Variants in AK5 observed in about 807,000 individuals in gnomAD.
AK5 encodes the protein adenylate kinase isoenzyme 5.
In AK5, 27 loss-of-function variants were observed where a neutral mutation model predicts 69.5. The ratio of observed to expected loss-of-function variants is 0.39; its 90% CI spans 0.29 to 0.54. AK5 has a LOEUF of 0.54. Ranked by LOEUF, AK5 falls within the 20% of genes least tolerant of loss-of-function variation. AK5 has a pLI of 0.71. For missense variants in AK5, 531 were observed against 700.4 expected, an observed-to-expected ratio of 0.76 and a Z score of 2.73; for synonymous variants, 260 against 244.4, an observed-to-expected ratio of 1.06 and a Z score of -0.60.
intron 8 of AK5, among the ~76,000 whole-genome samples, chr1:77,445,631 C>A (rs967909251): frequency 6.7e-6 from 1 of 150,372 alleles, no homozygotes; most frequent in Non-Finnish European, 1.5e-5. Flanking sequence ...GTCACCCAGG[C>A]TGGAGTGCAG....
intron 10 of AK5, among the ~76,000 whole-genome samples, chr1:77,505,584 A>T (rs1656976344): frequency 6.6e-6 from 1 of 152,172 alleles, no homozygotes; most frequent in Admixed American, 6.5e-5. Context: ...TTAAAACAAG[A>T]GGGCCGACAT....
At chr1:77,295,762 G>T (rs558611682) in intron 3 of AK5, among the ~76,000 whole-genome samples, 6 of 152,240 alleles carry the variant, frequency 3.9e-5, no homozygotes, top group African/African-American at 1.4e-4. Context: ...CATGAAAATG[G>T]TTTGATAGCA....
chr1:77,521,737 C>T (rs1657996264), intron 11 of AK5, 90 bp from the exon 12 acceptor site: 2 of 906,326 alleles, frequency 2.2e-6, no homozygotes, highest in South Asian at 1.4e-5. Flanking sequence ...AACCTTCCTC[C>T]CTCCCTCAGT....
At chr1:77,325,577 C>T (rs1335227552) in intron 5 of AK5, among the ~76,000 whole-genome samples, 1 of 152,140 alleles carries the variant, frequency 6.6e-6, no homozygotes, top group African/African-American at 2.4e-5. Flanking sequence ...AGTTTCCAGA[C>T]CTCAAGGCCC....
chr1:77,424,182 G>A (rs1278564867), intron 8 of AK5, among the ~76,000 whole-genome samples: 2 of 152,116 alleles, frequency 1.3e-5, no homozygotes, highest in African/African-American at 2.4e-5. Context: ...TATGTCAAAA[G>A]GCAAAAAACA....
chr1:77,475,420 AT>A (rs1654840732), intron 8 of AK5, among the ~76,000 whole-genome samples: 2 of 15,238 alleles, frequency 1.3e-4, no homozygotes, highest in Non-Finnish European at 1.4e-4. Flanking sequence ...TATATATACT[AT>A]ATATTATATA....
chr1:77,297,774 C>T (rs936993404), intron 4 of AK5, 46 bp downstream of exon 4: 21 of 1,602,434 alleles, frequency 1.3e-5, no homozygotes, highest in East Asian at 4.5e-5. Flanking sequence ...GTTTTCATAC[C>T]GATTGAGTAT....
chr1:77,304,410 C>CTTTT (rs59515509), intron 5 of AK5, among the ~76,000 whole-genome samples: 5 of 142,026 alleles, frequency 3.5e-5, no homozygotes, highest in African/African-American at 1.3e-4. Context: ...CTTTTCTTTT[C>CTTTT]TTTTTTTTTT....
chr1:77,488,222 T>C (rs1432899846), intron 10 of AK5, among the ~76,000 whole-genome samples: 2 of 152,228 alleles, frequency 1.3e-5, no homozygotes, highest in East Asian at 3.8e-4. Flanking sequence ...CTGGATGGAC[T>C]CTTCCCACAC....
intron 13 of AK5, among the ~76,000 whole-genome samples, chr1:77,544,923 G>A (rs1041984356): frequency 2.0e-5 from 3 of 152,068 alleles, no homozygotes; most frequent in African/African-American, 7.2e-5. Flanking sequence ...TTCCAACACC[G>A]GCAGCACAGT....
At chr1:77,469,627 G>A (rs1040617046) in intron 8 of AK5, among the ~76,000 whole-genome samples, 2 of 151,624 alleles carry the variant, frequency 1.3e-5, no homozygotes, top group Non-Finnish European at 2.9e-5. Context: ...ACTAATCCAT[G>A]TGGTCAGCCG....
chr1:77,531,989 T>TCCGGCCATCCGGCCGGCCGG (rs371302382), intron 12 of AK5: 1 of 148,532 alleles, frequency 6.7e-6, no homozygotes, highest in African/African-American at 2.5e-5. Flanking sequence ...CCTGCGGCCA[T>TCCGGCCATCCGGCCGGCCGG]CCGGCCGGCC....
intron 8 of AK5, among the ~76,000 whole-genome samples, chr1:77,444,148 A>C (rs1570139837): frequency 7.1e-6 from 1 of 140,346 alleles, no homozygotes; most frequent in African/African-American, 2.8e-5. Context: ...CTGCTATTTT[A>C]TTCTCTCTCT....
chr1:77,449,905 T>C (rs367910976), intron 8 of AK5, among the ~76,000 whole-genome samples: 2 of 152,210 alleles, frequency 1.3e-5, no homozygotes, highest in East Asian at 3.8e-4. Flanking sequence ...AATGTCATGC[T>C]ACAAATTTTC....
intron 6 of AK5, among the ~76,000 whole-genome samples, chr1:77,402,656 T>C (rs1042204597): frequency 1.3e-5 from 2 of 152,120 alleles, no homozygotes; most frequent in East Asian, 1.9e-4. Flanking sequence ...TAGTATTCCA[T>C]GGTGTATATG....
chr1:77,378,530 A>G (rs1647394128), intron 6 of AK5, among the ~76,000 whole-genome samples: 2 of 152,228 alleles, frequency 1.3e-5, no homozygotes, highest in Admixed American at 6.5e-5. Flanking sequence ...CATGTTGATC[A>G]GGCTGGTCTC....
chr1:77,294,005 G>A (rs1557469633), intron 3 of AK5, 45 bp downstream of exon 3: 2 of 1,556,800 alleles, frequency 1.3e-6, no homozygotes, highest in East Asian at 2.3e-5. Flanking sequence ...TGCTGCCTTT[G>A]TTTATATATT....
At chr1:77,463,814 C>G (rs1031520526) in intron 8 of AK5, among the ~76,000 whole-genome samples, 1 of 152,194 alleles carries the variant, frequency 6.6e-6, no homozygotes, top group African/African-American at 2.4e-5. Context: ...CAGTCTCTTT[C>G]AGTCTGAATT....
intron 8 of AK5, among the ~76,000 whole-genome samples, chr1:77,474,995 G>T (rs149196334): frequency 3.5e-4 from 53 of 151,402 alleles, no homozygotes; most frequent in African/African-American, 1.3e-3. Context: ...TACAGACGGG[G>T]TCTCACTATG....
Sources: allele counts gnomAD v4.1 joint callset (sites outside exome capture counted in the v4.1 genomes callset), GRCh38; gene constraint gnomAD v4.1.1; transcripts MANE v1.5; gene names NCBI Gene and HGNC (gene_info 2026-07-23, HGNC 2026-07-21).